The following ABI2 variants were observed in gnomAD, a reference collection of about 807,000 sequenced individuals.
ABI2 encodes abelson interactor 2.
Under a neutral mutation model 59.2 loss-of-function variants are expected in ABI2, and 25 were observed. The observed-to-expected ratio is 0.42, with a 90% confidence interval of 0.31 to 0.59. ABI2 has a LOEUF of 0.59. Among genes scored for constraint, ABI2 ranks in the 20% least tolerant of loss-of-function variants. ABI2 has a pLI of 0.14. For missense variants in ABI2, 545 were observed against 681.8 expected (o/e 0.80, Z 2.23); for synonymous variants, 213 against 235.5 (o/e 0.90, Z 0.87).
chr2:203,411,218 A>T, intron 9 of ABI2, 67 bp from the exon 10 acceptor site: 1 of 1,189,276 alleles, frequency 8.4e-7, no homozygotes, highest in South Asian at 1.2e-5. Context: ...ATTTTATTGT[A>T]TTATCCTTTC....
At chr2:203,386,206 C>T (rs2096499971) in intron 4 of ABI2, among the ~76,000 whole-genome samples, 1 of 152,144 alleles carries the variant, frequency 6.6e-6, no homozygotes, top group Non-Finnish European at 1.5e-5. Context: ...TGACTGACCT[C>T]ACTTTTTTCC....
rs1303952953 is a variant in ABI2, at chr2:203,411,369, A to G, written c.1277A>G (p.Asn426Ser). 1 of 1,610,808 alleles carries G rather than the reference A, an allele frequency of 6.2e-7. No individual in the cohort carries two copies. Among genetic ancestry groups the G allele is most frequent in the Admixed American group, 1.7e-5 (1 of 59,996 alleles). ...GGATTTGTGGCCAGAGTCCAAGAAA[A>G]TAGTAAGTTTATGTCTTCTTTATGC... ...LMGFVARVQE[N>S]ISDTPPPPPP... The change falls in exon 10 of 12, where the codon AAT becomes AGT. Residue 426 changes from asparagine (N) to serine (S), a missense_variant and splice_region_variant. Around this residue, in one of 4 missense-constraint regions of ABI2, gnomAD observed 410 missense variants for 435.6 expected, o/e 0.94. Transcript: ENST00000261018.
chr2:203,387,795 G>T (rs1383306230), intron 4 of ABI2, among the ~76,000 whole-genome samples: 1 of 152,186 alleles, frequency 6.6e-6, no homozygotes, highest in Non-Finnish European at 1.5e-5. Flanking sequence ...TGAAGTGGCT[G>T]CAGTATTGCT....
intron 1 of ABI2, among the ~76,000 whole-genome samples, chr2:203,354,359 A>T (rs1470570159): frequency 6.6e-6 from 1 of 151,722 alleles, no homozygotes; most frequent in Admixed American, 6.6e-5. Context: ...GACTTCTTAA[A>T]TTTTTTCTTT....
rs35497226 is a variant in ABI2, at chr2:203,387,056, C to CTTT, written c.481-3972_481-3970dup. Among the ~76,000 whole-genome samples, 13 of 116,502 alleles carry CTTT rather than the reference C, an allele frequency of 1.1e-4. 1 individual carries two copies. Among genetic ancestry groups the CTTT allele is most frequent in the Non-Finnish European group, 1.7e-4 (10 of 59,534 alleles). 76.4% of individuals were successfully genotyped at this position (116,502 alleles called of 152,430 possible). A position where few individuals can be genotyped will look rare whatever the true frequency, so the allele number is the denominator to read the frequency against. On this transcript the variant is annotated intron_variant, in intron 4 of 11. Transcript: ENST00000261018. The stretch of plus-strand genomic sequence containing the variant: ...TTTTTTTTCCCCGCAGGCTCCCTTC[C>CTTT]TTTTTTTTTTTTTTTTTTTTCCCCA...
At chr2:203,346,276 A>T (rs970033400) in intron 1 of ABI2, among the ~76,000 whole-genome samples, 1 of 152,206 alleles carries the variant, frequency 6.6e-6, no homozygotes, top group Admixed American at 6.5e-5. Context: ...AGATAGATCT[A>T]CCGGATGCTA....
intron 5 of ABI2, among the ~76,000 whole-genome samples, chr2:203,392,318 C>CCACT (rs2096787462): frequency 9.4e-6 from 1 of 106,470 alleles, no homozygotes; most frequent in African/African-American, 3.4e-5. Context: ...CCACCACCAA[C>CCACT]AACAACAACA....
chr2:203,359,222 T>G (rs781653562), intron 1 of ABI2, among the ~76,000 whole-genome samples: 1 of 152,164 alleles, frequency 6.6e-6, no homozygotes, highest in Non-Finnish European at 1.5e-5. Flanking sequence ...TATGACAGAT[T>G]AAGGTTTTTT....
chr2:203,382,233 A>G lies in ABI2; in HGVS notation c.480+27A>G, dbSNP rs781353375. On this transcript the variant is annotated intron_variant, in intron 4 of 11. Coordinates refer to ENST00000261018, the MANE Select transcript of ABI2 (RefSeq NM_001375670.1). The stretch of plus-strand genomic sequence containing the variant: ...TAAGAGATTCCAGGGCTGGATTTCC[A>G]TTCTTTGTTCTTATGTAGAATATTA... The G allele has an allele frequency of 7.9e-6, 12 of 1,522,740 alleles. No individual in the cohort carries two copies. The African/African-American group carries it at 1.5e-4, about 19-fold the overall frequency. 94.3% of individuals were successfully genotyped at this position (1,522,740 alleles called of 1,614,324 possible).
Position 203,427,656 on chromosome 2 carries a change from T to A in ABI2, c.*304T>A. ...AAAACAAAATCAGATTAAGACTGAT[T>A]CAGAAAAATCTGGGATCTTTCTCAG... On this transcript the variant is annotated 3_prime_UTR_variant, in exon 12 of 12. Transcript: ENST00000261018. The A allele has an allele frequency of 4.7e-6, 1 of 213,496 alleles. No homozygotes were observed. The highest frequency in any genetic ancestry group is 1.3e-4 in the South Asian group (1 of 7,956). 13.2% of individuals were successfully genotyped at this position (213,496 alleles called of 1,614,324 possible).
At chr2:203,390,994 G>T (rs1320641524) in intron 4 of ABI2, 52 bp from the exon 5 acceptor site, 1 of 1,425,142 alleles carries the variant, frequency 7.0e-7, no homozygotes, top group African/African-American at 1.4e-5. Context: ...TTTCCCAAAA[G>T]TGCCACTTTA....
At chr2:203,418,368 C>G (rs1418653673) in intron 11 of ABI2, among the ~76,000 whole-genome samples, 1 of 152,254 alleles carries the variant, frequency 6.6e-6, no homozygotes, top group Non-Finnish European at 1.5e-5. Context: ...GGACTCTTCA[C>G]ACGGCTGCAA....
chr2:203,367,074 A>G (rs768680496), intron 2 of ABI2, 30 bp downstream of exon 2: 3 of 1,593,392 alleles, frequency 1.9e-6, no homozygotes, highest in African/African-American at 1.3e-5. Flanking sequence ...CTATTTGCCT[A>G]TGAGGAACCC....
intron 11 of ABI2, among the ~76,000 whole-genome samples, chr2:203,423,881 A>G (rs2153596222): frequency 6.6e-6 from 1 of 152,328 alleles, no homozygotes; most frequent in South Asian, 2.1e-4. Context: ...ATATTCTAGA[A>G]TGTATTCAAT....
chr2:203,339,593 A>G (rs984375555), intron 1 of ABI2, among the ~76,000 whole-genome samples: 47 of 151,828 alleles, frequency 3.1e-4, no homozygotes, highest in African/African-American at 9.4e-4. Context: ...AAAAAAAAAA[A>G]AAAAGAAAAA....
chr2:203,340,564 C>T (rs2079256122), intron 1 of ABI2, among the ~76,000 whole-genome samples: 1 of 151,948 alleles, frequency 6.6e-6, no homozygotes, highest in African/African-American at 2.4e-5. Flanking sequence ...CGCCCTGTTG[C>T]CCAGGCTGGT....
chr2:203,382,978 T>C (rs531576389), intron 4 of ABI2, among the ~76,000 whole-genome samples: 304 of 152,288 alleles, frequency 2.0e-3, no homozygotes, highest in African/African-American at 7.2e-3. Context: ...CGTGGAGGAT[T>C]CGTGATAAAA....
chr2:203,417,393 A>G lies in ABI2; in HGVS notation c.1453+312A>G, dbSNP rs140830613. Among the ~76,000 whole-genome samples the G allele has an allele frequency of 3.9e-5, 6 of 152,296 alleles. No homozygotes were observed. The East Asian group carries it at 9.6e-4, about 24-fold the overall frequency. On this transcript the variant is annotated intron_variant, in intron 11 of 11. Coordinates refer to ENST00000261018, the MANE Select transcript of ABI2 (RefSeq NM_001375670.1). ...ATTATTTTTCCACATTATTATTCCTACCTCCATGCTTTAGAACATTAGTTT... is the reference window on the plus strand; with the variant it reads ...ATTATTTTTCCACATTATTATTCCTGCCTCCATGCTTTAGAACATTAGTTT...
chr2:203,388,539 TG>T (rs1038297797), intron 4 of ABI2, among the ~76,000 whole-genome samples: 8 of 152,086 alleles, frequency 5.3e-5, no homozygotes, highest in African/African-American at 1.9e-4. Flanking sequence ...AAAAAGTAGC[TG>T]GGCGTGGTGG....
Sources: gnomAD v4.1 joint callset for allele counts (sites outside exome capture counted in the v4.1 genomes callset) on GRCh38, gnomAD v4.1.1 for gene constraint, gnomAD v4.1.1 regional missense constraint, MANE v1.5 for transcripts, NCBI Gene and HGNC (gene_info 2026-07-23, HGNC 2026-07-21) for gene names.